NCOA2: variants seen among roughly 807,000 people sequenced by gnomAD.
The protein encoded by NCOA2 is class E basic helix-loop-helix protein 75.
In NCOA2, 21 loss-of-function variants were observed where a neutral mutation model predicts 145.1. The observed-to-expected ratio is 0.14, with a 90% CI of 0.10 to 0.21. The LOEUF (loss-of-function observed/expected upper bound fraction) is 0.21. NCOA2 is among the 10% of genes least tolerant of loss of function. The pLI is 1.00. For missense variants in NCOA2, 1,472 were observed against 1,837.6 expected, an observed-to-expected ratio of 0.80 and a Z score of 3.64; for synonymous variants, 619 against 637.5, an observed-to-expected ratio of 0.97 and a Z score of 0.44.
chr8:70,412,249 G>A, the NCOA2 span, among the ~76,000 whole-genome samples: 2 of 151,698 alleles, frequency 1.3e-5, no homozygotes, highest in Non-Finnish European at 2.9e-5. Flanking sequence ...ACTCCAGCCT[G>A]GGCAATGAAG....
intron 2 of NCOA2, among the ~76,000 whole-genome samples, chr8:70,258,037 T>A (rs755218320): frequency 1.5e-4 from 23 of 152,150 alleles, no homozygotes; most frequent in Non-Finnish European, 2.9e-4. Context: ...CCCACCTCAG[T>A]CTCCCCAGTA....
At chr8:70,403,208 C>G (rs1814527046) in intron 1 of NCOA2, among the ~76,000 whole-genome samples, 1 of 151,360 alleles carries the variant, frequency 6.6e-6, no homozygotes, top group Admixed American at 6.6e-5. Context: ...CTTCTCGGCT[C>G]TGCCGCGCTG....
intron 2 of NCOA2, among the ~76,000 whole-genome samples, chr8:70,243,660 A>G (rs1191053414): frequency 6.6e-6 from 1 of 152,012 alleles, no homozygotes; most frequent in African/African-American, 2.4e-5. Context: ...TATTCAAAAT[A>G]TTTAACATAT....
intron 2 of NCOA2, among the ~76,000 whole-genome samples, chr8:70,252,952 T>C (rs1045066956): frequency 6.6e-6 from 1 of 152,356 alleles, no homozygotes; most frequent in Admixed American, 6.5e-5. Context: ...TCTCACAGCA[T>C]ATCACTGCTT....
At chr8:70,238,356 A>G (rs1821836203) in intron 2 of NCOA2, among the ~76,000 whole-genome samples, 1 of 152,188 alleles carries the variant, frequency 6.6e-6, no homozygotes, top group Admixed American at 6.5e-5. Flanking sequence ...TATGCATGAC[A>G]TTATTTGATT....
At chr8:70,386,014 A>C (rs1812630848) in intron 1 of NCOA2, among the ~76,000 whole-genome samples, 1 of 152,210 alleles carries the variant, frequency 6.6e-6, no homozygotes, top group Non-Finnish European at 1.5e-5. Flanking sequence ...GAGTGAGCCC[A>C]AACAGTACGT....
chr8:70,163,674 A>G, intron 7 of NCOA2, 108 bp from the exon 8 acceptor site: 1 of 759,508 alleles, frequency 1.3e-6, no homozygotes, highest in Non-Finnish European at 2.2e-6. Flanking sequence ...GCAGTAAGGG[A>G]GACAGTGATG....
chr8:70,242,462 A>G (rs1822221620), intron 2 of NCOA2, among the ~76,000 whole-genome samples: 1 of 152,172 alleles, frequency 6.6e-6, no homozygotes, highest in Non-Finnish European at 1.5e-5. Context: ...CATCACTACT[A>G]AAACGCATGC....
intron 1 of NCOA2, chr8:70,402,430 G>A (rs1814369039): frequency 6.6e-6 from 1 of 152,340 alleles, no homozygotes; most frequent in Admixed American, 6.5e-5. Flanking sequence ...CCGCCCCTCG[G>A]TCCCGCAGGC....
intron 1 of NCOA2, among the ~76,000 whole-genome samples, chr8:70,391,323 C>T (rs1046492361): frequency 6.6e-6 from 1 of 152,178 alleles, no homozygotes; most frequent in African/African-American, 2.4e-5. Context: ...TTTCTATCCC[C>T]CTCCTTAATC....
At chr8:70,424,447 A>G in the NCOA2 span, 3 of 487,044 alleles carry the variant, frequency 6.2e-6, no homozygotes, top group Non-Finnish European at 1.2e-5. Context: ...CTTTCTCAAT[A>G]CCACATGAGC....
chr8:70,253,586 C>CA (rs371361767), intron 2 of NCOA2, among the ~76,000 whole-genome samples: 2,326 of 151,692 alleles, frequency 0.015, 58 homozygotes, highest in African/African-American at 0.052. Context: ...CAAAACAAAA[C>CA]AAAAAAACCT....
In NCOA2 at chr8:70,198,368, G is replaced by A. The variant is rs555959204; in HGVS notation, c.259+15535C>T. On this transcript the variant is annotated intron_variant, in intron 4 of 22. Transcript: ENST00000452400. ...AGGCTGGAGGTCTGCCTAGAAGTAC[G>A]ATGGCCAGAAAGATAAGAGCAGGAG... 9.2e-5 allele frequency among the ~76,000 whole-genome samples: 14 copies of A among 152,232 alleles called. No individual in the cohort carries two copies. In the East Asian group the frequency reaches 1.7e-3, roughly 19 times the overall value.
intron 2 of NCOA2, chr8:70,273,981 A>T (rs16936858): frequency 0.061 from 21,998 of 357,906 alleles, 893 homozygotes; most frequent in East Asian, 0.16. Context: ...AATATTTTTA[A>T]GCTCAAGTCC....
intron 1 of NCOA2, among the ~76,000 whole-genome samples, chr8:70,320,025 T>C (rs1048236747): frequency 6.6e-6 from 1 of 152,212 alleles, no homozygotes; most frequent in Admixed American, 6.5e-5. Flanking sequence ...TAAGAATGAA[T>C]AAATTAGGTG....
chr8:70,389,169 A>G (rs1359558724), intron 1 of NCOA2, among the ~76,000 whole-genome samples: 1 of 152,032 alleles, frequency 6.6e-6, no homozygotes, highest in African/African-American at 2.4e-5. Flanking sequence ...ACTTCAGACT[A>G]TTTAAGTATT....
rs964958608 is a variant in NCOA2, at chr8:70,228,478, C to A, written c.-19-11714G>T. 3.9e-5 allele frequency among the ~76,000 whole-genome samples: 6 copies of A among 152,146 alleles called. No homozygotes were observed. In the East Asian group the frequency reaches 1.2e-3, roughly 29 times the overall value. ...TAGCCCCAGATGGAGAATTATTACGCTTTGTGGAACTAAATATGTAATTGG... is the reference window on the plus strand; with the variant it reads ...TAGCCCCAGATGGAGAATTATTACGATTTGTGGAACTAAATATGTAATTGG... On this transcript the variant is annotated intron_variant, in intron 2 of 22. Transcript: ENST00000452400.
intron 2 of NCOA2, among the ~76,000 whole-genome samples, chr8:70,232,759 T>C (rs1384851241): frequency 6.6e-6 from 1 of 151,994 alleles, no homozygotes; most frequent in African/African-American, 2.4e-5. Flanking sequence ...TAAATTCCTC[T>C]CCAACTACCA....
At chr8:70,147,120 G>A (rs573646242) in intron 12 of NCOA2, among the ~76,000 whole-genome samples, 5 of 150,692 alleles carry the variant, frequency 3.3e-5, no homozygotes, top group Admixed American at 6.6e-5. Context: ...TCGCGCGCGC[G>A]CGCGCGCGTG....
Sources: gnomAD v4.1 joint callset for allele counts (sites outside exome capture counted in the v4.1 genomes callset) on GRCh38, gnomAD v4.1.1 for gene constraint, MANE v1.5 for transcripts, NCBI Gene and HGNC (gene_info 2026-07-23, HGNC 2026-07-21) for gene names.